The following PAX3 variants were observed in gnomAD, a reference collection of about 807,000 sequenced individuals.
The protein encoded by PAX3 is paired box 3.
A neutral mutation model predicts 51.6 loss-of-function variants in PAX3; 14 were observed. The ratio of observed to expected loss-of-function variants is 0.27; its 90% CI spans 0.18 to 0.42. The LOEUF (loss-of-function observed/expected upper bound fraction) is 0.42. Among genes scored for constraint, PAX3 ranks in the 10% least tolerant of loss-of-function variants. The pLI is 1.00. For synonymous variants in PAX3, 280 were observed against 253.4 expected, an observed-to-expected ratio of 1.11 and a Z score of -1.00; for missense variants, 540 against 642.8, an observed-to-expected ratio of 0.84 and a Z score of 1.73.
chr2:222,230,499 C>T (rs1692549109), intron 5 of PAX3, among the ~76,000 whole-genome samples: 1 of 152,018 alleles, frequency 6.6e-6, no homozygotes, highest in South Asian at 2.1e-4. Flanking sequence ...CACCATGGCA[C>T]GTGTTATACC....
At chr2:222,234,960 CA>C (rs1232104340) in intron 4 of PAX3, among the ~76,000 whole-genome samples, 26 of 152,168 alleles carry the variant, frequency 1.7e-4, no homozygotes, top group South Asian at 4.1e-4. Flanking sequence ...AAAGACTGAC[CA>C]AAAACTTCCT....
At position 222,201,356 on chromosome 2, in the gene PAX3, G is replaced by C. The variant is rs1403335032; in HGVS notation, c.*52C>G. ...TTTCAGAGCAGATTCTTCATATCTA[G>C]GCTGCGAAGACCAGAAACAGGGCCA... is the stretch of plus-strand genomic sequence containing the variant. On this transcript the variant is annotated 3_prime_UTR_variant, in exon 9 of 9. Coordinates refer to ENST00000392070, the MANE Select transcript of PAX3 (RefSeq NM_181458.4). 1 of 1,611,354 alleles carries C rather than the reference G, an allele frequency of 6.2e-7. No individual in the cohort carries two copies.
intron 2 of PAX3, among the ~76,000 whole-genome samples, 199 bp downstream of exon 2, chr2:222,296,779 C>T (rs902360667): frequency 6.6e-6 from 1 of 152,268 alleles, no homozygotes; most frequent in Non-Finnish European, 1.5e-5. Flanking sequence ...AAGGCAAGAG[C>T]TTTCCCTAAG....
chr2:222,295,432 T>G, intron 3 of PAX3, 96 bp downstream of exon 3: 1,751 of 1,396,678 alleles, frequency 1.3e-3, no homozygotes, highest in Non-Finnish European at 1.6e-3. Context: ...TCCCAATAGC[T>G]GAGATCGATA....
intron 4 of PAX3, among the ~76,000 whole-genome samples, chr2:222,238,632 C>T (rs1352326004): frequency 6.6e-6 from 1 of 152,142 alleles, no homozygotes; most frequent in South Asian, 2.1e-4. Context: ...GCTGAATTTC[C>T]TAGTCATAAT....
At chr2:222,228,534 A>G (rs939405582) in intron 5 of PAX3, among the ~76,000 whole-genome samples, 1 of 152,192 alleles carries the variant, frequency 6.6e-6, no homozygotes, top group Non-Finnish European at 1.5e-5. Context: ...GAAAGAGAAC[A>G]ACACCGAACA....
chr2:222,263,378 A>G (rs1184259742), intron 4 of PAX3: 1 of 152,228 alleles, frequency 6.6e-6, no homozygotes, highest in Non-Finnish European at 1.5e-5. Context: ...GTCCAACATC[A>G]TTAGCCATTA....
At chr2:222,252,531 C>T (rs996421144) in intron 4 of PAX3, among the ~76,000 whole-genome samples, 3 of 152,176 alleles carry the variant, frequency 2.0e-5, no homozygotes, top group Admixed American at 2.0e-4. Flanking sequence ...CAAACTTCAT[C>T]CCCACATTCC....
chr2:222,265,646 A>AAGGAAGGAAGGAAGGAAG (rs772452636), intron 4 of PAX3, among the ~76,000 whole-genome samples: 33 of 109,248 alleles, frequency 3.0e-4, no homozygotes, highest in African/African-American at 1.2e-3. Flanking sequence ...ATCAAAAAAA[A>AAGGAAGGAAGGAAGGAAG]GAAGGAAGGA....
Position 222,200,257 on chromosome 2 carries a change from A to G in PAX3, c.*1151T>C, listed in dbSNP as rs1691243049. The G allele has an allele frequency of 4.6e-6, 1 of 218,604 alleles. No individual in the cohort carries two copies. Among genetic ancestry groups the G allele is most frequent in the African/African-American group, 2.2e-5 (1 of 44,564 alleles). The allele number at this position is 218,604 out of a possible 1,614,324, so 13.5% of individuals were successfully genotyped here. A position where few individuals can be genotyped will look rare whatever the true frequency, so the allele number is the denominator to read the frequency against. ...CAAACGTATGTAAACCTCAGTTCCT[A>G]TAATCTTTTAATATTGGATATCATT... On this transcript the variant is annotated 3_prime_UTR_variant, in exon 9 of 9. Transcript: ENST00000392070.
At chr2:222,248,813 G>A (rs1037267871) in intron 4 of PAX3, among the ~76,000 whole-genome samples, 2 of 152,132 alleles carry the variant, frequency 1.3e-5, no homozygotes, top group East Asian at 1.9e-4. Flanking sequence ...TAAGAGAAAT[G>A]TCTTTGTGTG....
chr2:222,201,021 G>C lies in PAX3; in HGVS notation c.*387C>G, dbSNP rs1325753739. ...ACAGTCTGCTTGCCCAAACCAGTCT[G>C]GGTAAATCTCAATACACACACACAC... On this transcript the variant is annotated 3_prime_UTR_variant, in exon 9 of 9. Coordinates refer to ENST00000392070, the MANE Select transcript of PAX3 (RefSeq NM_181458.4). 1 of 784,910 alleles carries C rather than the reference G, an allele frequency of 1.3e-6. No individual in the cohort carries two copies. Among genetic ancestry groups the C allele is most frequent in the East Asian group, 2.7e-5 (1 of 37,358 alleles). 48.6% of individuals were successfully genotyped at this position (784,910 alleles called of 1,614,324 possible). A position where few individuals can be genotyped will look rare whatever the true frequency, so the allele number is the denominator to read the frequency against.
At chr2:222,293,538 A>C (rs1167193095) in intron 4 of PAX3, 3 of 1,301,550 alleles carry the variant, frequency 2.3e-6, no homozygotes, top group Non-Finnish European at 3.2e-6. Context: ...AGATCCCTTC[A>C]ATTTGTAACC....
intron 4 of PAX3, among the ~76,000 whole-genome samples, chr2:222,268,744 C>T (rs1444942653): frequency 1.3e-5 from 2 of 152,118 alleles, no homozygotes; most frequent in Non-Finnish European, 2.9e-5. Flanking sequence ...GCGTGTTTGT[C>T]TTTAAGAGTT....
intron 4 of PAX3, chr2:222,263,651 A>C (rs1466062734): frequency 6.6e-6 from 1 of 152,222 alleles, no homozygotes; most frequent in South Asian, 2.1e-4. Context: ...ACTTGTGTTC[A>C]CACAAAACCT....
At position 222,200,189 on chromosome 2, in the gene PAX3, A is replaced by T. The variant is rs1018015892; in HGVS notation, c.*1219T>A. 1 of 218,068 alleles carries T rather than the reference A, an allele frequency of 4.6e-6. No homozygotes were observed. Among genetic ancestry groups the T allele is most frequent in the African/African-American group, 2.2e-5 (1 of 44,492 alleles). The allele number at this position is 218,068 out of a possible 1,614,324, so 13.5% of individuals were successfully genotyped here. Reference sequence around the variant, plus strand: ...CTTCCACCTTCTTGTTCCTCTCAACATCTCAAAAAGCAAATTTATTGACAT... The same window carrying T: ...CTTCCACCTTCTTGTTCCTCTCAACTTCTCAAAAAGCAAATTTATTGACAT... On this transcript the variant is annotated 3_prime_UTR_variant, in exon 9 of 9. Transcript: ENST00000392070.
chr2:222,245,120 C>T (rs1015417020), intron 4 of PAX3, among the ~76,000 whole-genome samples: 2 of 152,078 alleles, frequency 1.3e-5, no homozygotes, highest in African/African-American at 2.4e-5. Context: ...TGCACTCCAA[C>T]CTGGACAACA....
At chr2:222,237,326 GCACACACACA>G (rs3075849) in intron 4 of PAX3, among the ~76,000 whole-genome samples, 11 of 146,454 alleles carry the variant, frequency 7.5e-5, no homozygotes, top group Non-Finnish European at 1.0e-4. Flanking sequence ...TTTATCACAT[GCACACACACA>G]CACACACACA....
At chr2:222,275,033 A>G (rs1314271013) in intron 4 of PAX3, among the ~76,000 whole-genome samples, 1 of 152,222 alleles carries the variant, frequency 6.6e-6, no homozygotes, top group Non-Finnish European at 1.5e-5. Flanking sequence ...TGAAGTGGCT[A>G]AGATCAGATT....
Sources: allele counts gnomAD v4.1 joint callset (sites outside exome capture counted in the v4.1 genomes callset), GRCh38; gene constraint gnomAD v4.1.1; transcripts MANE v1.5; gene names NCBI Gene and HGNC (gene_info 2026-07-23, HGNC 2026-07-21).